Variants in RUVBL2 observed in about 807,000 individuals in gnomAD.
The protein encoded by RUVBL2 is RuvB like AAA ATPase 2, also known as ruvB-like 2.
A neutral mutation model predicts 57.9 loss-of-function variants in RUVBL2; 9 were observed. The ratio of observed to expected loss-of-function variants is 0.16; its 90% confidence interval spans 0.09 to 0.27. The LOEUF (loss-of-function observed/expected upper bound fraction) is 0.27, where lower values mean the gene tolerates loss of function less well. Among genes scored for constraint, RUVBL2 ranks in the 10% least tolerant of loss-of-function variants. The probability of loss-of-function intolerance (pLI) is 1.00; values close to 1 mark genes in which losing one functional copy is unlikely to be tolerated. For missense variants in RUVBL2, 456 were observed against 669.6 expected (o/e 0.68, Z 3.52); for synonymous variants, 278 against 264.6 (o/e 1.05, Z -0.49).
At position 49,010,156 on chromosome 19, in the gene RUVBL2, CT is replaced by C. The variant is rs776420261; in HGVS notation, c.663+92del. 4.4e-5 allele frequency: 52 copies of C among 1,168,808 alleles called. No homozygotes were observed. The African/African-American group carries it at 6.9e-4, about 16-fold the overall frequency. 72.4% of individuals were successfully genotyped at this position (1,168,808 alleles called of 1,614,324 possible). ...CCCCCTTGACCCATGGGGTCTGGATCTTCCTGTTACCCTGACTGTTTGTCCT... is the reference window on the plus strand; with the variant it reads ...CCCCCTTGACCCATGGGGTCTGGATCTCCTGTTACCCTGACTGTTTGTCCT... On this transcript the variant is annotated intron_variant, in intron 8 of 14. Coordinates refer to ENST00000595090, the MANE Select transcript of RUVBL2 (RefSeq NM_006666.3).
At chr19:49,015,278 A>G in intron 13 of RUVBL2, 128 bp downstream of exon 13, 1 of 1,346,272 alleles carries the variant, frequency 7.4e-7, no homozygotes, top group Non-Finnish European at 1.0e-6. Flanking sequence ...TTCATCCCTC[A>G]GGTTGGCTTC....
At chr19:49,012,940 C>T (rs1204584048) in intron 11 of RUVBL2, among the ~76,000 whole-genome samples, 1 of 151,666 alleles carries the variant, frequency 6.6e-6, no homozygotes. Flanking sequence ...GCTGGGACCA[C>T]GGGCATGCAC....
chr19:49,007,908 C>A (rs2039314011), intron 6 of RUVBL2, among the ~76,000 whole-genome samples: 1 of 151,762 alleles, frequency 6.6e-6, no homozygotes, highest in Admixed American at 6.6e-5. Flanking sequence ...GGGGTTTCAC[C>A]ATGTTGGCCA....
intron 1 of RUVBL2, chr19:48,994,605 T>C (rs575611347): frequency 6.6e-6 from 1 of 152,466 alleles, no homozygotes; most frequent in South Asian, 2.0e-4. Context: ...CCAGGAAACT[T>C]GGCCTGGCAC....
At chr19:49,002,736 C>A (rs966907790) in intron 2 of RUVBL2, among the ~76,000 whole-genome samples, 1 of 152,116 alleles carries the variant, frequency 6.6e-6, no homozygotes, top group Non-Finnish European at 1.5e-5. Context: ...AGTCATCTGC[C>A]ACCATGCCCA....
Position 49,007,585 on chromosome 19 carries a change from A to G in RUVBL2, c.462+217A>G, listed in dbSNP as rs555518890. Among the ~76,000 whole-genome samples, 4 of 152,290 alleles carry G rather than the reference A, an allele frequency of 2.6e-5. No individual in the cohort carries two copies. The South Asian group carries it at 8.3e-4, about 32-fold the overall frequency. Reference sequence around the variant, plus strand: ...GCAATAGAAACTGAGGCGGTAAAATAATGAGAGAGATCTGTTAGTGAGTTC... The same window carrying G: ...GCAATAGAAACTGAGGCGGTAAAATGATGAGAGAGATCTGTTAGTGAGTTC... On this transcript the variant is annotated intron_variant, in intron 6 of 14. Coordinates refer to ENST00000595090, the MANE Select transcript of RUVBL2 (RefSeq NM_006666.3).
intron 1 of RUVBL2, among the ~76,000 whole-genome samples, chr19:48,995,964 G>T (rs1051380840): frequency 3.3e-5 from 5 of 150,128 alleles, no homozygotes; most frequent in African/African-American, 1.2e-4. Flanking sequence ...TCCAGCCTGG[G>T]TGACAGAGTA....
chr19:49,002,449 T>C (rs1325932641), intron 2 of RUVBL2, among the ~76,000 whole-genome samples: 3 of 152,276 alleles, frequency 2.0e-5, no homozygotes, highest in Admixed American at 2.0e-4. Context: ...TCTTCCCCTC[T>C]CGCTGGCTGT....
At chr19:48,996,048 T>TG (rs1461210011) in intron 1 of RUVBL2, among the ~76,000 whole-genome samples, 1 of 150,562 alleles carries the variant, frequency 6.6e-6, no homozygotes, top group Admixed American at 6.6e-5. Flanking sequence ...GGGACACACC[T>TG]GTAGTCCCAA....
chr19:49,006,048 C>G (rs1302926601), intron 4 of RUVBL2, among the ~76,000 whole-genome samples: 1 of 152,258 alleles, frequency 6.6e-6, no homozygotes, highest in African/African-American at 2.4e-5. Flanking sequence ...GTGAGGCTAG[C>G]CTCGCCCTGG....
At chr19:48,993,777 C>A, upstream of RUVBL2, 1 of 1,214,684 alleles carries the variant, frequency 8.2e-7, no homozygotes, top group Non-Finnish European at 1.2e-6. Flanking sequence ...AAAGTCCCGC[C>A]ACGCCCCCAC....
chr19:49,007,432 A>T (rs777594072), intron 6 of RUVBL2, 64 bp downstream of exon 6: 7 of 1,465,930 alleles, frequency 4.8e-6, no homozygotes, highest in Non-Finnish European at 6.6e-6. Flanking sequence ...GAGAGAGTAG[A>T]TATCAGGTCT....
At chr19:49,002,131 C>T (rs925354704) in intron 2 of RUVBL2, among the ~76,000 whole-genome samples, 2 of 152,004 alleles carry the variant, frequency 1.3e-5, no homozygotes, top group African/African-American at 4.8e-5. Context: ...TCACTGCAAC[C>T]TCCACCTCCC....
chr19:48,993,539 C>T, upstream of RUVBL2: 1 of 449,590 alleles, frequency 2.2e-6, no homozygotes, highest in Non-Finnish European at 4.1e-6. Context: ...CTCTGTCAAT[C>T]TGGAGCTGGA....
chr19:49,002,633 A>T (rs1441553648), intron 2 of RUVBL2, among the ~76,000 whole-genome samples: 1 of 151,946 alleles, frequency 6.6e-6, no homozygotes. Flanking sequence ...CATCCAGGCT[A>T]GAATGCAGTG....
chr19:49,008,644 A>G (rs906551718), intron 6 of RUVBL2, among the ~76,000 whole-genome samples: 2 of 151,958 alleles, frequency 1.3e-5, no homozygotes, highest in Non-Finnish European at 2.9e-5. Flanking sequence ...CAGGAGTTCG[A>G]AACGAGCCTG....
At chr19:48,999,044 CAGGG>C (rs896374400) in intron 1 of RUVBL2, among the ~76,000 whole-genome samples, 2 of 151,288 alleles carry the variant, frequency 1.3e-5, no homozygotes, top group African/African-American at 2.4e-5. Context: ...AAAAAAGAAA[CAGGG>C]AGGATTTCAT....
Position 49,010,484 on chromosome 19 carries a change from AT to A in RUVBL2, c.664-3del. 2.4e-5 allele frequency: 9 copies of A among 381,292 alleles called. No homozygotes were observed. Among genetic ancestry groups the A allele is most frequent in the East Asian group, 8.7e-5 (1 of 11,472 alleles). The allele number at this position is 381,292 out of a possible 1,614,324, so 23.6% of individuals were successfully genotyped here. A position where few individuals can be genotyped will look rare whatever the true frequency, so the allele number is the denominator to read the frequency against. ...GCCGTTCTTCCCCCACCCCCGCCCC[AT>A]AGACCAAGTTCGTGCAGTGCCCAGA... On this transcript the variant is annotated splice_polypyrimidine_tract_variant and splice_region_variant and intron_variant, in intron 8 of 14. Coordinates refer to ENST00000595090, the MANE Select transcript of RUVBL2 (RefSeq NM_006666.3).
At chr19:49,010,935 C>T (rs1741684961) in intron 9 of RUVBL2, 64 bp from the exon 10 acceptor site, 1 of 1,409,906 alleles carries the variant, frequency 7.1e-7, no homozygotes, top group Non-Finnish European at 9.9e-7. Flanking sequence ...CTGTCTTAGC[C>T]ACACTCTGGC....
Sources: gnomAD v4.1 joint callset for allele counts (sites outside exome capture counted in the v4.1 genomes callset) on GRCh38, gnomAD v4.1.1 for gene constraint, MANE v1.5 for transcripts, NCBI Gene and HGNC (gene_info 2026-07-23, HGNC 2026-07-21) for gene names.